Variants in DPP10 observed in about 807,000 individuals in gnomAD.
DPP10 encodes the protein dipeptidyl peptidase like 10.
DPP10 carries 33 observed loss-of-function variants against 120.9 expected under a neutral mutation model. That is an observed-to-expected ratio of 0.27 (90% CI 0.21 to 0.37). DPP10 has a LOEUF of 0.37. Ranked by LOEUF, DPP10 falls within the 10% of genes least tolerant of loss-of-function variation. The pLI, the probability that DPP10 is intolerant of heterozygous loss-of-function variation, is 1.00. For missense variants in DPP10, 816 were observed against 942.8 expected (o/e 0.87, Z 1.76); for synonymous variants, 337 against 326.1 (o/e 1.03, Z -0.36).
chr2:114,828,226 C>T (rs888582549), intron 1 of DPP10, among the ~76,000 whole-genome samples: 8 of 152,178 alleles, frequency 5.3e-5, no homozygotes, highest in Middle Eastern at 3.4e-3. Context: ...CCACCCTGAA[C>T]ACTCCCCGTC....
intron 5 of DPP10, among the ~76,000 whole-genome samples, chr2:115,677,700 T>C (rs577475659): frequency 3.9e-5 from 6 of 152,234 alleles, no homozygotes; most frequent in Admixed American, 3.3e-4. Flanking sequence ...AATAACAAGA[T>C]CAATTAAGCA....
rs1286041261 is a variant in DPP10, at chr2:115,006,048, G to C, written c.61-303191G>C. 2.6e-5 allele frequency among the ~76,000 whole-genome samples: 4 copies of C among 152,296 alleles called. No individual in the cohort carries two copies. In the East Asian group the frequency reaches 7.7e-4, roughly 29 times the overall value. ...CAGAAACCCTACAAGCCAGAAGAGA[G>C]TGGGGGCCAATATTCAACATTCTTA... is the stretch of plus-strand genomic sequence containing the variant. On this transcript the variant is annotated intron_variant, in intron 1 of 25. Coordinates refer to ENST00000410059, the MANE Select transcript of DPP10 (RefSeq NM_020868.6).
intron 1 of DPP10, among the ~76,000 whole-genome samples, chr2:115,029,340 G>T (rs1284917128): frequency 2.0e-5 from 3 of 151,818 alleles, no homozygotes; most frequent in Non-Finnish European, 4.4e-5. Context: ...TCATAGTAGA[G>T]TTACAAGTGG....
At chr2:114,508,031 C>T (rs1244620527) in intron 1 of DPP10, among the ~76,000 whole-genome samples, 2 of 151,970 alleles carry the variant, frequency 1.3e-5, no homozygotes, top group Non-Finnish European at 2.9e-5. Context: ...TTCCTTTCCT[C>T]TTTCTTTCCT....
intron 1 of DPP10, among the ~76,000 whole-genome samples, chr2:114,749,548 C>CTTTTATTTTATTTTATTTTATTTTA (rs374862583): frequency 0.031 from 3,905 of 125,578 alleles, 154 homozygotes; most frequent in South Asian, 0.05. Flanking sequence ...TCTAGCACTG[C>CTTTTATTTTATTTTATTTTATTTTA]TTTTATTTTA....
At chr2:114,985,566 A>G (rs1700345373) in intron 1 of DPP10, among the ~76,000 whole-genome samples, 1 of 152,214 alleles carries the variant, frequency 6.6e-6, no homozygotes, top group Non-Finnish European at 1.5e-5. Context: ...TGTCTATTGC[A>G]TGAATAAAAC....
At chr2:114,841,370 C>T (rs1688141236) in intron 1 of DPP10, among the ~76,000 whole-genome samples, 1 of 152,070 alleles carries the variant, frequency 6.6e-6, no homozygotes, top group Non-Finnish European at 1.5e-5. Context: ...AAATGATAGG[C>T]TAAGAAATCT....
intron 1 of DPP10, among the ~76,000 whole-genome samples, chr2:115,065,962 C>T (rs1390201184): frequency 6.6e-6 from 1 of 152,116 alleles, no homozygotes; most frequent in Non-Finnish European, 1.5e-5. Flanking sequence ...AGAGCTATTG[C>T]CTGCTATCCT....
chr2:114,489,383 G>A (rs550625797), intron 1 of DPP10, among the ~76,000 whole-genome samples: 11 of 152,268 alleles, frequency 7.2e-5, no homozygotes, highest in Admixed American at 4.6e-4. Context: ...CCAACCACAT[G>A]CGGATGAGCA....
At chr2:115,228,154 A>T (rs529731187) in intron 1 of DPP10, among the ~76,000 whole-genome samples, 1 of 151,970 alleles carries the variant, frequency 6.6e-6, no homozygotes, top group South Asian at 2.1e-4. Context: ...TGCAAAATTG[A>T]CAGACTGGTG....
At chr2:115,260,912 T>C (rs1574206112) in intron 1 of DPP10, among the ~76,000 whole-genome samples, 1 of 152,184 alleles carries the variant, frequency 6.6e-6, no homozygotes, top group Admixed American at 6.5e-5. Context: ...TGGGGCGTGC[T>C]GTAGAATTAC....
chr2:115,092,499 C>T (rs1038723255), intron 1 of DPP10, among the ~76,000 whole-genome samples: 8 of 152,106 alleles, frequency 5.3e-5, no homozygotes, highest in Non-Finnish European at 7.4e-5. Context: ...TATCACCTTT[C>T]GGTCTCAGAG....
intron 3 of DPP10, among the ~76,000 whole-genome samples, 169 bp from the exon 4 acceptor site, chr2:115,499,341 T>A (rs1373761939): frequency 6.6e-6 from 1 of 152,082 alleles, no homozygotes; most frequent in African/African-American, 2.4e-5. Flanking sequence ...TAGGCGGGCT[T>A]CCTGATCTTT....
intron 1 of DPP10, among the ~76,000 whole-genome samples, chr2:114,886,878 C>G (rs1692116343): frequency 1.3e-5 from 2 of 152,144 alleles, no homozygotes; most frequent in South Asian, 4.1e-4. Context: ...TAAACGCTTT[C>G]TCAATAGCTT....
chr2:115,073,472 CCTA>C (rs1336729965), intron 1 of DPP10, among the ~76,000 whole-genome samples: 23 of 152,320 alleles, frequency 1.5e-4, no homozygotes, highest in African/African-American at 5.5e-4. Context: ...TCCAAACTTA[CCTA>C]GCTCTAAGAT....
intron 1 of DPP10, among the ~76,000 whole-genome samples, chr2:114,686,759 G>A (rs866726182): frequency 6.6e-6 from 1 of 151,932 alleles, no homozygotes; most frequent in Non-Finnish European, 1.5e-5. Context: ...AATAATTGTA[G>A]TCAAGAGCTT....
At chr2:115,285,351 C>T (rs189400139) in intron 1 of DPP10, among the ~76,000 whole-genome samples, 1 of 152,056 alleles carries the variant, frequency 6.6e-6, no homozygotes, top group East Asian at 1.9e-4. Flanking sequence ...ATGCAGCTCA[C>T]CACATATCCA....
intron 1 of DPP10, among the ~76,000 whole-genome samples, chr2:115,284,301 A>C (rs1229434446): frequency 6.6e-6 from 1 of 151,972 alleles, no homozygotes; most frequent in African/African-American, 2.4e-5. Flanking sequence ...TAACATTCTG[A>C]TTTGTTTAAC....
At chr2:115,734,911 G>A (rs1041588995) in intron 8 of DPP10, among the ~76,000 whole-genome samples, 3 of 139,714 alleles carry the variant, frequency 2.1e-5, no homozygotes, top group Non-Finnish European at 5.0e-5. Flanking sequence ...TCATGAACAA[G>A]GTAAATGCCA....
Sources: gnomAD v4.1 joint callset for allele counts (sites outside exome capture counted in the v4.1 genomes callset) on GRCh38, gnomAD v4.1.1 for gene constraint, MANE v1.5 for transcripts, NCBI Gene and HGNC (gene_info 2026-07-23, HGNC 2026-07-21) for gene names.